Variants in SEC31A observed in about 807,000 individuals in gnomAD.
SEC31A encodes the protein protein transport protein Sec31A.
Under a neutral mutation model 151.0 loss-of-function variants are expected in SEC31A, and 70 were observed. That is an observed-to-expected ratio of 0.46 (90% CI 0.38 to 0.57). The LOEUF is 0.57. SEC31A is among the 20% of genes least tolerant of loss of function. The pLI is 0.00. For missense variants in SEC31A, 1,330 were observed against 1,471.2 expected, an observed-to-expected ratio of 0.90 and a Z score of 1.57; for synonymous variants, 475 against 505.9, an observed-to-expected ratio of 0.94 and a Z score of 0.82.
At chr4:82,888,100 C>T (rs1258283595) in intron 1 of SEC31A, among the ~76,000 whole-genome samples, 1 of 151,580 alleles carries the variant, frequency 6.6e-6, no homozygotes, top group Non-Finnish European at 1.5e-5. Context: ...ATTAGCCAGG[C>T]GCAGTGGCTC....
At chr4:82,819,379 C>A in intron 26 of SEC31A, 126 bp from the exon 27 acceptor site, 1 of 650,870 alleles carries the variant, frequency 1.5e-6, no homozygotes, top group Non-Finnish European at 2.3e-6. Context: ...ATATATAAAC[C>A]ATTTAGCATT....
rs756726271 is a variant in SEC31A at position 82,848,928 on chromosome 4, G to T, written c.2378C>A (p.Pro793His). 3 of 1,614,002 alleles carry T rather than the reference G, an allele frequency of 1.9e-6. No individual in the cohort carries two copies. The East Asian group carries it at 6.7e-5, about 36-fold the overall frequency. The change falls in exon 20 of 27, where the codon CCT (proline) becomes CAT (histidine). Residue 793 changes from proline (P) to histidine (H), a missense_variant. Pro to His is a moderately conservative substitution (Grantham distance 77, BLOSUM62 -2). Transcript: ENST00000395310. ...TTTAGGTGATTCATGTCCTGCTACA[G>T]GCTCTCCTTGTGCTCTACAAAGTCT... Reference protein sequence around the residue: ...RDRLCRAQGEPVAGHESPKIP... With the variant: ...RDRLCRAQGEHVAGHESPKIP...
At position 82,832,441 on chromosome 4, in the gene SEC31A, A is replaced by G. The variant is rs533705563; in HGVS notation, c.2969-3383T>C. Among the ~76,000 whole-genome samples, 31 of 152,358 alleles carry G rather than the reference A, an allele frequency of 2.0e-4. 1 individual carries two copies. In the East Asian group the frequency reaches 5.8e-3, roughly 28 times the overall value. ...GATCAAAGACTTAAATGTAAGACCT[A>G]GGACCATAAAAATCCTAGAAGAAAA... On this transcript the variant is annotated intron_variant, in intron 22 of 26. Transcript: ENST00000395310.
intron 3 of SEC31A, among the ~76,000 whole-genome samples, chr4:82,879,849 T>C (rs902613017): frequency 2.6e-5 from 4 of 152,210 alleles, no homozygotes; most frequent in African/African-American, 9.6e-5. Flanking sequence ...CCTAGTGTAT[T>C]AGAAATCGTG....
chr4:82,868,227 G>A (rs984885189), intron 8 of SEC31A, among the ~76,000 whole-genome samples: 4 of 152,162 alleles, frequency 2.6e-5, no homozygotes, highest in Admixed American at 6.5e-5. Flanking sequence ...GGCTGGGCAT[G>A]GTGGTTCACG....
At chr4:82,888,144 G>A (rs1259831070) in intron 1 of SEC31A, among the ~76,000 whole-genome samples, 2 of 151,236 alleles carry the variant, frequency 1.3e-5, no homozygotes, top group African/African-American at 4.9e-5. Flanking sequence ...GGAGGCCGAG[G>A]TGGGCAGATC....
chr4:82,827,285 T>C, intron 24 of SEC31A, 84 bp downstream of exon 24: 3 of 1,395,054 alleles, frequency 2.2e-6, no homozygotes, highest in Non-Finnish European at 2.9e-6. Context: ...ATAATAATCA[T>C]GCAATCATAA....
chr4:82,854,767 G>T, intron 17 of SEC31A, 136 bp downstream of exon 17: 1 of 775,690 alleles, frequency 1.3e-6, no homozygotes, highest in Non-Finnish European at 1.9e-6. Context: ...TCTGAGAAAG[G>T]CACTGAAATG....
chr4:82,899,182 G>C (rs1471546901), intron 3 of SEC31A, among the ~76,000 whole-genome samples: 1 of 152,176 alleles, frequency 6.6e-6, no homozygotes, highest in Non-Finnish European at 1.5e-5. Context: ...AACTAAATTA[G>C]TGTTTGCTGA....
intron 1 of SEC31A, among the ~76,000 whole-genome samples, chr4:82,885,766 T>C (rs1740559141): frequency 6.6e-6 from 1 of 152,214 alleles, no homozygotes; most frequent in Admixed American, 6.5e-5. Flanking sequence ...TTATTGGACA[T>C]TTAACATTTA....
At chr4:82,865,703 T>C (rs1735220837) in intron 10 of SEC31A, among the ~76,000 whole-genome samples, 2 of 152,000 alleles carry the variant, frequency 1.3e-5, no homozygotes, top group Non-Finnish European at 1.5e-5. Context: ...AAGTACTGCA[T>C]GATTCCATTT....
chr4:82,893,058 T>C (rs915417531), upstream of SEC31A: 10 of 152,214 alleles, frequency 6.6e-5, no homozygotes, highest in African/African-American at 2.4e-4. Context: ...AGGATTTGCA[T>C]AGCACAAAGA....
chr4:82,845,365 A>G, intron 20 of SEC31A: 1 of 872,784 alleles, frequency 1.1e-6, no homozygotes, highest in Non-Finnish European at 1.6e-6. Context: ...AAAAACCCCA[A>G]AAGGTATTAA....
At chr4:82,857,654 A>C (rs1274842830) in intron 15 of SEC31A, 35 bp downstream of exon 15, 1 of 1,363,112 alleles carries the variant, frequency 7.3e-7, no homozygotes, top group Non-Finnish European at 1.0e-6. Context: ...CCAATGGTTA[A>C]AAAAAATTAG....
At position 82,844,460 on chromosome 4, in the gene SEC31A, G is replaced by A. The variant is rs1477957321; in HGVS notation, c.2552C>T (p.Pro851Leu). 2 of 1,613,644 alleles carry A rather than the reference G, an allele frequency of 1.2e-6. No homozygotes were observed. Among genetic ancestry groups the A allele is most frequent in the Admixed American group, 1.7e-5 (1 of 60,010 alleles). Residue 851 changes from proline to leucine, a missense_variant, in exon 21 of 27, where the codon CCA becomes CTA. Coordinates refer to ENST00000395310, the MANE Select transcript of SEC31A (RefSeq NM_001077207.4). ...TGTGGGAAGCTGACCAGCAGCATTTGGATTAACATTTCCATGCATTATGAA... is the reference window on the plus strand; with the variant it reads ...TGTGGGAAGCTGACCAGCAGCATTTAGATTAACATTTCCATGCATTATGAA... ...PGFIMHGNVN[P>L]NAAGQLPTSP...
At chr4:82,821,635 T>A (rs1372339260) in intron 25 of SEC31A, among the ~76,000 whole-genome samples, 2 of 147,314 alleles carry the variant, frequency 1.4e-5, no homozygotes, top group Non-Finnish European at 3.0e-5. Context: ...TGGAGGGGAC[T>A]GGGATGAGGA....
intron 22 of SEC31A, among the ~76,000 whole-genome samples, chr4:82,835,981 G>A (rs569968685): frequency 2.0e-5 from 3 of 152,228 alleles, no homozygotes; most frequent in East Asian, 3.9e-4. Flanking sequence ...TGGCGGGAAC[G>A]TAAAATGGTG....
intron 19 of SEC31A, among the ~76,000 whole-genome samples, chr4:82,849,182 A>C (rs1324748253): frequency 6.6e-6 from 1 of 152,218 alleles, no homozygotes; most frequent in African/African-American, 2.4e-5. Context: ...CATACAGTGC[A>C]ACTTGTAATT....
At position 82,851,482 on chromosome 4, in the gene SEC31A, A is replaced by G. The variant is rs1383826499; in HGVS notation, c.2277T>C (p.Ala759=). The G allele has an allele frequency of 1.2e-6, 2 of 1,614,048 alleles. No homozygotes were observed. Among genetic ancestry groups the G allele is most frequent in the African/African-American group, 2.7e-5 (2 of 74,952 alleles). ...KMSQYANLLA[A]QGSIAAALAF... ...CCAAGGCTGCAGCAATACTGCCCTG[A>G]GCTGCCAACAAATTGGCATACTGAC... is the stretch of plus-strand genomic sequence containing the variant. The change falls in exon 19 of 27, where the codon GCT becomes GCC. Residue 759 remains alanine, a synonymous_variant. Transcript: ENST00000395310.
Sources: allele counts gnomAD v4.1 joint callset (sites outside exome capture counted in the v4.1 genomes callset), GRCh38; gene constraint gnomAD v4.1.1; transcripts MANE v1.5; gene names NCBI Gene and HGNC (gene_info 2026-07-23, HGNC 2026-07-21).